PTCHD4: variants seen among roughly 807,000 people sequenced by gnomAD.
PTCHD4 encodes patched domain containing 4, also known as patched domain-containing protein 4.
Under a neutral mutation model 58.1 loss-of-function variants are expected in PTCHD4, and 33 were observed. The ratio of observed to expected loss-of-function variants is 0.57; its 90% CI spans 0.43 to 0.76. The LOEUF (loss-of-function observed/expected upper bound fraction) is 0.76. Among genes scored for constraint, PTCHD4 ranks in the 30% least tolerant of loss-of-function variants. The pLI is 0.00. For synonymous variants in PTCHD4, 478 were observed against 409.6 expected (o/e 1.17, Z -2.02); for missense variants, 1,058 against 1,027.1 (o/e 1.03, Z -0.41).
intron 4 of PTCHD4, among the ~76,000 whole-genome samples, chr6:47,968,850 T>C (rs1722355456): frequency 6.6e-6 from 1 of 152,136 alleles, no homozygotes; most frequent in Admixed American, 6.5e-5. Flanking sequence ...TATGATGATA[T>C]ATTAAAGTGC....
chr6:48,024,194 T>C (rs1763164225), intron 3 of PTCHD4, among the ~76,000 whole-genome samples: 1 of 152,168 alleles, frequency 6.6e-6, no homozygotes, highest in Non-Finnish European at 1.5e-5. Flanking sequence ...AAAATTATGA[T>C]AGAATGATTC....
At chr6:48,097,554 G>A (rs1194351917) in intron 1 of PTCHD4, among the ~76,000 whole-genome samples, 1 of 152,062 alleles carries the variant, frequency 6.6e-6, no homozygotes, top group African/African-American at 2.4e-5. Flanking sequence ...AAATATTTCG[G>A]GGTGTTATCC....
chr6:47,944,614 TAC>T (rs1014154419), intron 4 of PTCHD4, among the ~76,000 whole-genome samples: 16 of 152,056 alleles, frequency 1.1e-4, no homozygotes, highest in African/African-American at 3.6e-4. Context: ...AAATAACAGG[TAC>T]AGTGCTAAGG....
intron 4 of PTCHD4, among the ~76,000 whole-genome samples, chr6:47,995,641 C>T (rs906000606): frequency 6.6e-6 from 1 of 152,172 alleles, no homozygotes; most frequent in Non-Finnish European, 1.5e-5. Context: ...TGGAATACAA[C>T]AAAATTACAG....
Position 47,878,239 on chromosome 6 carries a change from C to A in PTCHD4, c.*64G>T. ...CCAGCCCAAGCAGCTGAGGTCTGAG[C>A]TTTACTTGCCCTGCATCATTGTGCA... On this transcript the variant is annotated 3_prime_UTR_variant, in exon 5 of 5. Transcript: ENST00000339488. 3 of 1,452,528 alleles carry A rather than the reference C, an allele frequency of 2.1e-6. No individual in the cohort carries two copies. Among genetic ancestry groups the A allele is most frequent in the Non-Finnish European group, 2.8e-6 (3 of 1,075,238 alleles). 90.0% of individuals were successfully genotyped at this position (1,452,528 alleles called of 1,614,324 possible).
In PTCHD4 at chr6:47,872,628, T is replaced by C. The variant is rs1457772922; in HGVS notation, c.*5675A>G. 6.6e-6 allele frequency among the ~76,000 whole-genome samples: 1 copy of C among 151,674 alleles called. No homozygotes were observed. Among genetic ancestry groups the C allele is most frequent in the Admixed American group, 6.6e-5 (1 of 15,192 alleles). ...GTGAGACCTTTCTTAAGGGAAATTTTCAACTGGGGAAAAATAGTAGAAGCT... is the reference window on the plus strand; with the variant it reads ...GTGAGACCTTTCTTAAGGGAAATTTCCAACTGGGGAAAAATAGTAGAAGCT... On this transcript the variant is annotated 3_prime_UTR_variant, in exon 5 of 5. Coordinates refer to ENST00000339488, the MANE Select transcript of PTCHD4 (RefSeq NM_001384253.1).
At chr6:48,029,088 G>A (rs1294990507) in intron 3 of PTCHD4, among the ~76,000 whole-genome samples, 1 of 151,888 alleles carries the variant, frequency 6.6e-6, no homozygotes, top group Non-Finnish European at 1.5e-5. Flanking sequence ...GATATGTGCT[G>A]GTATAATACT....
At chr6:48,093,671 A>G (rs1208021565) in intron 1 of PTCHD4, among the ~76,000 whole-genome samples, 2 of 152,144 alleles carry the variant, frequency 1.3e-5, no homozygotes, top group South Asian at 2.1e-4. Context: ...TTAATCTTTA[A>G]TCACCTCTTA....
Position 47,866,833 on chromosome 6 carries a change from G to A in PTCHD4, c.*11470C>T, listed in dbSNP as rs1763577366. On this transcript the variant is annotated 3_prime_UTR_variant, in exon 5 of 5. Coordinates refer to ENST00000339488, the MANE Select transcript of PTCHD4 (RefSeq NM_001384253.1). ...TGTGATCTTCAAAGAAAGCATCAGT[G>A]AATCATAAGGAAGTGAATTTAAAAA... Among the ~76,000 whole-genome samples the A allele has an allele frequency of 1.3e-5, 2 of 151,766 alleles. No homozygotes were observed. The highest frequency in any genetic ancestry group is 4.2e-4 in the South Asian group (2 of 4,818).
chr6:47,877,037 T>C lies in PTCHD4; in HGVS notation c.*1266A>G, dbSNP rs899128149. On this transcript the variant is annotated 3_prime_UTR_variant, in exon 5 of 5. Transcript: ENST00000339488. Reference sequence around the variant, plus strand: ...CTGCAGTAGGTGTAGTGAACACTACTATAGTGATCATGGCCTGGGTTATGT... The same window carrying C: ...CTGCAGTAGGTGTAGTGAACACTACCATAGTGATCATGGCCTGGGTTATGT... Among the ~76,000 whole-genome samples, 3 of 152,016 alleles carry C rather than the reference T, an allele frequency of 2.0e-5. No homozygotes were observed. Among genetic ancestry groups the C allele is most frequent in the Non-Finnish European group, 2.9e-5 (2 of 67,968 alleles).
intron 4 of PTCHD4, among the ~76,000 whole-genome samples, chr6:47,958,889 G>T (rs1766973646): frequency 6.6e-6 from 1 of 152,176 alleles, no homozygotes; most frequent in Non-Finnish European, 1.5e-5. Flanking sequence ...GGAATGATTA[G>T]CTCTAGATGA....
At chr6:48,009,301 T>G (rs1053513700) in intron 3 of PTCHD4, among the ~76,000 whole-genome samples, 187 bp from the exon 4 acceptor site, 1 of 152,200 alleles carries the variant, frequency 6.6e-6, no homozygotes, top group Non-Finnish European at 1.5e-5. Context: ...CCATGTATGA[T>G]GATCAAGGGC....
At position 47,871,595 on chromosome 6, in the gene PTCHD4, G is replaced by C. The variant is rs1335239036; in HGVS notation, c.*6708C>G. On this transcript the variant is annotated 3_prime_UTR_variant, in exon 5 of 5. Coordinates refer to ENST00000339488, the MANE Select transcript of PTCHD4 (RefSeq NM_001384253.1). ...GAATGTATAAGTGGGACTGCATATA[G>C]GAGTGCTCATTTTACATTTTGCCTT... Among the ~76,000 whole-genome samples the C allele has an allele frequency of 6.6e-6, 1 of 151,566 alleles. No individual in the cohort carries two copies. The highest frequency in any genetic ancestry group is 2.4e-5 in the African/African-American group (1 of 41,360).
chr6:48,021,251 T>C (rs563266045), intron 3 of PTCHD4, among the ~76,000 whole-genome samples: 5 of 152,226 alleles, frequency 3.3e-5, no homozygotes, highest in African/African-American at 9.6e-5. Flanking sequence ...TAATAAAAGA[T>C]AGTATTTTAC....
chr6:47,955,390 T>G (rs1281194160), intron 4 of PTCHD4, among the ~76,000 whole-genome samples: 4 of 152,194 alleles, frequency 2.6e-5, no homozygotes, highest in Non-Finnish European at 5.9e-5. Context: ...TCTCGAATTA[T>G]GAGTCTGATT....
chr6:48,030,496 C>G lies in PTCHD4; in HGVS notation c.418-21382G>C, dbSNP rs566907368. ...TTAGCACCACTAAAAATGAAAACAG[C>G]TCTCTTCCAGGATTTTGCAAGCTGA... On this transcript the variant is annotated intron_variant, in intron 3 of 4. Coordinates refer to ENST00000339488, the MANE Select transcript of PTCHD4 (RefSeq NM_001384253.1). 5.5e-4 allele frequency among the ~76,000 whole-genome samples: 84 copies of G among 152,222 alleles called. 1 individual carries two copies. The highest frequency in any genetic ancestry group is 7.4e-5 in the Non-Finnish European group (5 of 67,998).
rs367865467 is a variant in PTCHD4, at chr6:48,068,494, G to A, written c.153C>T (p.Ile51=). 3.2e-5 allele frequency: 52 copies of A among 1,613,322 alleles called. No individual in the cohort carries two copies. The highest frequency in any genetic ancestry group is 3.5e-5 in the Non-Finnish European group (41 of 1,179,834). Residue 51 remains isoleucine (I), a synonymous_variant, in exon 3 of 5, where the codon ATC becomes ATT. Coordinates refer to ENST00000339488, the MANE Select transcript of PTCHD4 (RefSeq NM_001384253.1). The surrounding 1 kb of genome is among the most constrained non-coding windows in gnomAD (Gnocchi z 4.2). ...FFLTVPAVLT[I]TFGLSALNRF... is the part of the protein sequence containing the mutation. ...GGTTGAGCGCGCTGAGGCCGAAGGT[G>A]ATTGTCAGGACTGCGGGCACGGTGA...
Position 47,867,529 on chromosome 6 carries a change from G to T in PTCHD4, c.*10774C>A, listed in dbSNP as rs1646759207. Among the ~76,000 whole-genome samples the T allele has an allele frequency of 7.1e-6, 1 of 141,830 alleles. No homozygotes were observed. Among genetic ancestry groups the T allele is most frequent in the African/African-American group, 2.4e-5 (1 of 40,856 alleles). The allele number at this position is 141,830 out of a possible 152,430, so 93.0% of individuals were successfully genotyped here. A position where few individuals can be genotyped will look rare whatever the true frequency, so the allele number is the denominator to read the frequency against. On this transcript the variant is annotated 3_prime_UTR_variant, in exon 5 of 5. Transcript: ENST00000339488. ...AAATCCAAGTAACTCCCCATATCCTGGCAATGCTTTATAATACCACTCACA... is the reference window on the plus strand; with the variant it reads ...AAATCCAAGTAACTCCCCATATCCTTGCAATGCTTTATAATACCACTCACA...
chr6:48,091,879 A>G (rs1049764893), intron 1 of PTCHD4, among the ~76,000 whole-genome samples: 1 of 151,654 alleles, frequency 6.6e-6, no homozygotes, highest in Non-Finnish European at 1.5e-5. Flanking sequence ...CGAACTCCTG[A>G]CCTCTGATGA....
Sources: allele counts gnomAD v4.1 joint callset (sites outside exome capture counted in the v4.1 genomes callset), GRCh38; gene constraint gnomAD v4.1.1; non-coding constraint Gnocchi (gnomAD v3.1); transcripts MANE v1.5; gene names NCBI Gene and HGNC (gene_info 2026-07-23, HGNC 2026-07-21).